The following DNAAF1 variants were observed in gnomAD, a reference collection of about 807,000 sequenced individuals.
DNAAF1 encodes dynein assembly factor 1, axonemal.
DNAAF1 carries 65 observed loss-of-function variants against 71.1 expected under a neutral mutation model. The observed-to-expected ratio is 0.91, with a 90% confidence interval of 0.75 to 1.12. The LOEUF (loss-of-function observed/expected upper bound fraction) is 1.12, where lower values mean the gene tolerates loss of function less well. Ranked by LOEUF, DNAAF1 falls within the 50% of genes most tolerant of loss-of-function variation. DNAAF1 has a pLI of 0.00. For synonymous variants in DNAAF1, 414 were observed against 354.6 expected, an observed-to-expected ratio of 1.17 and a Z score of -1.88; for missense variants, 1,178 against 899.8, an observed-to-expected ratio of 1.31 and a Z score of -3.96.
chr16:84,176,261 GAGA>G lies in DNAAF1; in HGVS notation c.2028_2030del (p.Asp677del), dbSNP rs1427990881. 1 of 1,613,650 alleles carries G rather than the reference GAGA, an allele frequency of 6.2e-7. No homozygotes were observed. Among genetic ancestry groups the G allele is most frequent in the East Asian group, 2.2e-5 (1 of 44,888 alleles). On this transcript the variant is annotated inframe_deletion, in exon 11 of 12. Transcript: ENST00000378553. ...GATGCTGCACCACTCACTTCCAGTG[GAGA>G]CAGGGACAGCGACTTCCTTGCAGCC...
rs1217666033 is a variant in DNAAF1, at chr16:84,175,855, C to G, written c.1699-78C>G. On this transcript the variant is annotated intron_variant, in intron 10 of 11. Transcript: ENST00000378553. ...TACTTTGTGACATTGGGTGAAAAAGCAGAACTGGCATGGTGCATTGTAGAG... is the reference window on the plus strand; with the variant it reads ...TACTTTGTGACATTGGGTGAAAAAGGAGAACTGGCATGGTGCATTGTAGAG... 3 of 1,541,920 alleles carry G rather than the reference C, an allele frequency of 1.9e-6. No individual in the cohort carries two copies. In the African/African-American group the frequency reaches 4.1e-5, roughly 21 times the overall value.
intron 6 of DNAAF1, among the ~76,000 whole-genome samples, chr16:84,160,769 C>T (rs116924178): frequency 0.026 from 3,887 of 151,410 alleles, 76 homozygotes; most frequent in Middle Eastern, 0.11. Flanking sequence ...CGCGTCGCTA[C>T]TAAAAGTACA....
In DNAAF1 at chr16:84,174,914, A is replaced by G. The variant is rs1401423229; in HGVS notation, c.1698+192A>G. 2 of 687,552 alleles carry G rather than the reference A, an allele frequency of 2.9e-6. No individual in the cohort carries two copies. Among genetic ancestry groups the G allele is most frequent in the Non-Finnish European group, 4.9e-6 (2 of 408,526 alleles). The allele number at this position is 687,552 out of a possible 1,614,324, so 42.6% of individuals were successfully genotyped here. ...TCTGTCACCCAGGCTGCAGTGCAATAGTGTGTTCTTGGCTCACTGCAACCT... is the reference window on the plus strand; with the variant it reads ...TCTGTCACCCAGGCTGCAGTGCAATGGTGTGTTCTTGGCTCACTGCAACCT... On this transcript the variant is annotated intron_variant, in intron 10 of 11. Transcript: ENST00000378553.
In DNAAF1 at chr16:84,147,993, G is replaced by A. The variant is rs374430824; in HGVS notation, c.125-1014G>A. Among the ~76,000 whole-genome samples, 327 of 152,096 alleles carry A rather than the reference G, an allele frequency of 2.1e-3. 2 individuals carry two copies. Among genetic ancestry groups the A allele is most frequent in the African/African-American group, 7.6e-3 (316 of 41,496 alleles). On this transcript the variant is annotated intron_variant, in intron 1 of 11. Coordinates refer to ENST00000378553, the MANE Select transcript of DNAAF1 (RefSeq NM_178452.6). The stretch of plus-strand genomic sequence containing the variant: ...TGAGGCATGAGAATCGCTTGAACCC[G>A]GGAGGCGGAGGTTGCAGTGAGCTGA...
At position 84,159,729 on chromosome 16, in the gene DNAAF1, A is replaced by T; in HGVS notation, c.796A>T (p.Arg266Trp). Residue 266 changes from arginine to tryptophan, a missense_variant, in exon 6 of 12, where the codon AGG becomes TGG. Coordinates refer to ENST00000378553, the MANE Select transcript of DNAAF1 (RefSeq NM_178452.6). ...TATCAGACAGATTCCTAATTACAGAAGGACAGTCACTGTACGACTAAAGCA... is the reference window on the plus strand; with the variant it reads ...TATCAGACAGATTCCTAATTACAGATGGACAGTCACTGTACGACTAAAGCA... ...PVIRQIPNYR[R>W]TVTVRLKHLT... The T allele has an allele frequency of 6.2e-7, 1 of 1,614,078 alleles. No homozygotes were observed. Among genetic ancestry groups the T allele is most frequent in the Non-Finnish European group, 8.5e-7 (1 of 1,179,958 alleles).
chr16:84,177,504 T>G (rs2088784104), intron 11 of DNAAF1: 2 of 473,616 alleles, frequency 4.2e-6, no homozygotes, highest in African/African-American at 4.0e-5. Context: ...AATCTTTGTA[T>G]TTTTAGTAGA....
intron 7 of DNAAF1, 88 bp downstream of exon 7, chr16:84,166,037 A>ATTTTTT: frequency 9.2e-7 from 1 of 1,084,312 alleles, no homozygotes; most frequent in Non-Finnish European, 1.3e-6. Context: ...AATCTTGGGA[A>ATTTTTT]TTTTTTTTTT....
chr16:84,166,181 G>GA (rs1262003437), intron 7 of DNAAF1, among the ~76,000 whole-genome samples: 3 of 151,302 alleles, frequency 2.0e-5, no homozygotes, highest in Non-Finnish European at 4.4e-5. Context: ...AGCCTCCCCA[G>GA]AGCTGGGATT....
intron 2 of DNAAF1, among the ~76,000 whole-genome samples, 164 bp downstream of exon 2, chr16:84,149,306 G>A (rs902803382): frequency 2.0e-5 from 3 of 152,138 alleles, no homozygotes; most frequent in Non-Finnish European, 2.9e-5. Context: ...ACAGCTGAGC[G>A]CACATTCTAT....
At chr16:84,154,005 C>T (rs567453213) in intron 3 of DNAAF1, among the ~76,000 whole-genome samples, 1 of 152,162 alleles carries the variant, frequency 6.6e-6, no homozygotes, top group Admixed American at 6.5e-5. Context: ...AGTGTGGCCA[C>T]CCCCGAATGA....
chr16:84,157,101 C>T (rs111786752), intron 5 of DNAAF1, among the ~76,000 whole-genome samples: 1,827 of 152,054 alleles, frequency 0.012, 46 homozygotes, highest in African/African-American at 0.042. Context: ...TGAATTGAAA[C>T]CTGGCAACCT....
intron 1 of DNAAF1, 37 bp downstream of exon 1, chr16:84,145,601 G>GGCA: frequency 6.5e-7 from 1 of 1,539,698 alleles, no homozygotes; most frequent in Non-Finnish European, 8.7e-7. Flanking sequence ...GTGGGCGAGG[G>GGCA]GCAGACACGG....
rs756189048 is a variant in DNAAF1, at chr16:84,149,104, C to T, written c.222C>T (p.Phe74=). ...QSGDNGSGGH[F]AHPREDREDR... Reference sequence around the variant, plus strand: ...GTGATAATGGGTCAGGTGGTCACTTCGCACACCCAAGAGAAGACAGGGAAG... The same window carrying T: ...GTGATAATGGGTCAGGTGGTCACTTTGCACACCCAAGAGAAGACAGGGAAG... Residue 74 remains phenylalanine, a synonymous_variant, in exon 2 of 12, where the codon TTC becomes TTT. Coordinates refer to ENST00000378553, the MANE Select transcript of DNAAF1 (RefSeq NM_178452.6). 3.5e-5 allele frequency: 57 copies of T among 1,613,948 alleles called. No homozygotes were observed. The highest frequency in any genetic ancestry group is 3.3e-4 in the Middle Eastern group (2 of 6,084).
In DNAAF1 at chr16:84,176,252, C is replaced by G. The variant is rs767279701; in HGVS notation, c.2018C>G (p.Thr673Ser). ...PTCQRDAAPL[T>S]SSGDRDSDFL... ...TGCCAAAGAGATGCTGCACCACTCA[C>G]TTCCAGTGGAGACAGGGACAGCGAC... The change falls in exon 11 of 12, where the codon ACT becomes AGT. Residue 673 changes from threonine to serine, a missense_variant. Transcript: ENST00000378553. 4 of 1,613,714 alleles carry G rather than the reference C, an allele frequency of 2.5e-6. No homozygotes were observed. The highest frequency in any genetic ancestry group is 1.6e-4 in the Middle Eastern group (1 of 6,062).
At chr16:84,175,825 C>T (rs1567569448) in intron 10 of DNAAF1, 108 bp from the exon 11 acceptor site, 2 of 1,421,040 alleles carry the variant, frequency 1.4e-6, no homozygotes, top group East Asian at 4.5e-5. Flanking sequence ...GATGTGGCAA[C>T]AGAATACTTT....
intron 1 of DNAAF1, among the ~76,000 whole-genome samples, 193 bp from the exon 2 acceptor site, chr16:84,148,814 A>G (rs2087047888): frequency 6.6e-6 from 1 of 150,934 alleles, no homozygotes; most frequent in South Asian, 2.1e-4. Context: ...GGTCTCAAAC[A>G]CCTGGGCTCG....
rs370913899 is a variant in DNAAF1, at chr16:84,172,181, G to A, written c.1529-79G>A. 6.5e-6 allele frequency: 9 copies of A among 1,385,294 alleles called. No individual in the cohort carries two copies. The African/African-American group carries it at 8.5e-5, about 13-fold the overall frequency. The allele number at this position is 1,385,294 out of a possible 1,614,324, so 85.8% of individuals were successfully genotyped here. ...CATGAGCCACCGAGCCCGGCCCTTG[G>A]GAGCCCATCTTCACCGTAGGCTCGT... On this transcript the variant is annotated intron_variant, in intron 8 of 11. Coordinates refer to ENST00000378553, the MANE Select transcript of DNAAF1 (RefSeq NM_178452.6).
chr16:84,165,201 C>T (rs954435866), intron 6 of DNAAF1, among the ~76,000 whole-genome samples: 4 of 152,084 alleles, frequency 2.6e-5, no homozygotes, highest in Non-Finnish European at 5.9e-5. Context: ...CAGTCTGTAG[C>T]CTGCCTTTTC....
chr16:84,152,869 A>G (rs1433329770), intron 3 of DNAAF1, among the ~76,000 whole-genome samples: 1 of 152,006 alleles, frequency 6.6e-6, no homozygotes. Flanking sequence ...AGACAGGAGA[A>G]TCACTTGAAC....
Sources: allele counts gnomAD v4.1 joint callset (sites outside exome capture counted in the v4.1 genomes callset), GRCh38; gene constraint gnomAD v4.1.1; transcripts MANE v1.5; gene names NCBI Gene and HGNC (gene_info 2026-07-23, HGNC 2026-07-21).